Variants in OBSL1 observed in about 807,000 individuals in gnomAD.
The protein encoded by OBSL1 is obscurin-like protein 1.
A neutral mutation model predicts 172.0 loss-of-function variants in OBSL1; 160 were observed. That is an observed-to-expected ratio of 0.93 (90% CI 0.82 to 1.06). OBSL1 has a LOEUF of 1.06. OBSL1 is among the 50% of genes least tolerant of loss of function. The pLI, the probability that OBSL1 is intolerant of heterozygous loss-of-function variation, is 0.00. For synonymous variants in OBSL1, 1,200 were observed against 1,196.3 expected (o/e 1.00, Z -0.06); for missense variants, 2,681 against 2,715.4 (o/e 0.99, Z 0.28).
chr2:219,570,557 CCT>C lies in OBSL1; in HGVS notation c.674_675del (p.Gln225ArgfsTer28). 33 of 1,573,686 alleles carry C rather than the reference CCT, an allele frequency of 2.1e-5. No homozygotes were observed. The highest frequency in any genetic ancestry group is 2.8e-5 in the Non-Finnish European group (33 of 1,162,054). On this transcript the variant is annotated frameshift_variant, in exon 1 of 21. Coordinates refer to ENST00000404537, the MANE Select transcript of OBSL1 (RefSeq NM_015311.3). LOFTEE classifies it high-confidence loss of function. ...GGCGGGCTCTCGGGGGGCTGGTGCACCTGGAGCAGCGCCCCCGCCTGCGCGTG... is the reference window on the plus strand; with the variant it reads ...GGCGGGCTCTCGGGGGGCTGGTGCACGGAGCAGCGCCCCCGCCTGCGCGTG... ...HGHAQAGALL[Q>X]VHQPPESPPA...
Position 219,557,607 on chromosome 2 carries a change from G to C in OBSL1, c.3802C>G (p.Arg1268Gly). 2 of 1,539,844 alleles carry C rather than the reference G, an allele frequency of 1.3e-6. No individual in the cohort carries two copies. Among genetic ancestry groups the C allele is most frequent in the Non-Finnish European group, 1.8e-6 (2 of 1,139,758 alleles). Residue 1268 changes from arginine to glycine, a missense_variant, in exon 12 of 21, where the codon CGG becomes GGG. Arg to Gly is a moderately radical substitution (Grantham distance 125). Coordinates refer to ENST00000404537, the MANE Select transcript of OBSL1 (RefSeq NM_015311.3). ...FTVQVAEPPV[R>G]VVAPEAAQTR... ...TGGGCTGCCTCGGGAGCTACCACCC[G>C]CACAGGGGGCTCTGTGGAGTCAGAG...
downstream of OBSL1, chr2:219,550,714 G>A: frequency 1.5e-6 from 2 of 1,364,938 alleles, no homozygotes; most frequent in African/African-American, 1.4e-5. Flanking sequence ...ACATCACTCA[G>A]AGAGGCAAGG....
In OBSL1 at chr2:219,567,365, A is replaced by G. The variant is rs906015961; in HGVS notation, c.1745T>C (p.Val582Ala). The G allele has an allele frequency of 1.2e-6, 2 of 1,612,870 alleles. No homozygotes were observed. The highest frequency in any genetic ancestry group is 1.7e-5 in the Admixed American group (1 of 59,902). ...GAAGCGGTAGTCACCCTCGGAGGGC[A>G]CACAGTCGCCCGGCACCTCCACGGC... ...AGAVEVPGDC[V>A]PSEGDYRFRI... The change falls in exon 4 of 21, where the codon GTG becomes GCG. Residue 582 changes from valine to alanine, a missense_variant. By Grantham distance (64) the Val-to-Ala change is moderately conservative (BLOSUM62 0). This residue lies in a region of OBSL1 where 706 missense variants were observed against 695.8 expected (regional missense o/e 1.01). Coordinates refer to ENST00000404537, the MANE Select transcript of OBSL1 (RefSeq NM_015311.3).
In OBSL1 at chr2:219,556,157, G is replaced by C. The variant is rs778415137; in HGVS notation, c.4472C>G (p.Pro1491Arg). ...VRWVRGGQPL[P>R]HDSRLSMAQD... is the part of the protein sequence containing the mutation. ...GGCCATGGACAGGCGAGAGTCGTGG[G>C]GCAGGGGCTGCCCACCTCGCACCCA... Residue 1491 changes from proline to arginine, a missense_variant, in exon 14 of 21, where the codon CCC becomes CGC. Physicochemically the swap from Pro to Arg is moderately radical, Grantham distance 103. Transcript: ENST00000404537. 6.2e-7 allele frequency: 1 copy of C among 1,613,704 alleles called. No homozygotes were observed. The highest frequency in any genetic ancestry group is 1.1e-5 in the South Asian group (1 of 91,056).
Position 219,552,786 on chromosome 2 carries a change from C to T in OBSL1, c.5146+82G>A, listed in dbSNP as rs1035971383. The T allele has an allele frequency of 4.0e-6, 6 of 1,516,770 alleles. No individual in the cohort carries two copies. The African/African-American group carries it at 4.2e-5, about 11-fold the overall frequency. The allele number at this position is 1,516,770 out of a possible 1,614,324, so 94.0% of individuals were successfully genotyped here. A position where few individuals can be genotyped will look rare whatever the true frequency, so the allele number is the denominator to read the frequency against. ...CACGCCCCCTTTCTAGAAGCACGCG[C>T]GGTCATCAGGGTCCGGGGAAGACAG... On this transcript the variant is annotated intron_variant, in intron 17 of 20. Transcript: ENST00000404537.
In OBSL1 at chr2:219,567,763, A is replaced by C. The variant is rs1697021483; in HGVS notation, c.1489T>G (p.Phe497Val). 6.2e-7 allele frequency: 1 copy of C among 1,613,702 alleles called. No individual in the cohort carries two copies. The highest frequency in any genetic ancestry group is 8.5e-7 in the Non-Finnish European group (1 of 1,179,800). Reference sequence around the variant, plus strand: ...GTGGTACGGGAGTTGCCCAGGCTAAAGGTGACCTCGCCAGCATCCTCTCGG... The same window carrying C: ...GTGGTACGGGAGTTGCCCAGGCTAACGGTGACCTCGCCAGCATCCTCTCGG... ...VTREDAGEVT[F>V]SLGNSRTTTL... Residue 497 changes from phenylalanine (F) to valine (V), a missense_variant, in exon 3 of 21, where the codon TTT (phenylalanine) becomes GTT (valine). By Grantham distance (50) the Phe-to-Val change is conservative. Transcript: ENST00000404537.
intron 12 of OBSL1, 117 bp from the exon 13 acceptor site, chr2:219,556,840 C>T (rs1696046649): frequency 4.3e-6 from 5 of 1,154,012 alleles, no homozygotes; most frequent in Non-Finnish European, 6.1e-6. Context: ...TCTGTGAGGA[C>T]CTACTATGTA....
rs756874289 is a variant in OBSL1 at position 219,554,619 on chromosome 2, T to C, written c.4731A>G (p.Val1577=). The C allele has an allele frequency of 6.2e-7, 1 of 1,612,484 alleles. No individual in the cohort carries two copies. The highest frequency in any genetic ancestry group is 1.1e-5 in the South Asian group (1 of 90,878). ...GACACTTGGGTCCTGGATACAGCTG[T>C]ACTCCACCCCGGGCCCACTCCCCGG... ...GVTGEWARGG[V]QLYPGPKCHI... Residue 1577 remains valine, a synonymous_variant, in exon 15 of 21, where the codon GTA becomes GTG. Transcript: ENST00000404537.
rs886055667 is a variant in OBSL1 at position 219,570,676 on chromosome 2, T to C, written c.557A>G (p.Asp186Gly). 5.2e-5 allele frequency: 79 copies of C among 1,507,162 alleles called. No homozygotes were observed. The highest frequency in any genetic ancestry group is 6.0e-5 in the Non-Finnish European group (68 of 1,134,204). The allele number at this position is 1,507,162 out of a possible 1,614,324, so 93.4% of individuals were successfully genotyped here. A position where few individuals can be genotyped will look rare whatever the true frequency, so the allele number is the denominator to read the frequency against. Residue 186 changes from aspartate to glycine, a missense_variant, in exon 1 of 21, where the codon GAC becomes GGC. Asp to Gly is a moderately conservative substitution (Grantham distance 94). Around this residue, in one of 5 missense-constraint regions of OBSL1, gnomAD observed 706 missense variants for 695.8 expected, o/e 1.01. Coordinates refer to ENST00000404537, the MANE Select transcript of OBSL1 (RefSeq NM_015311.3). ...CAGTGCCAGGCTCGCGCCGGGGCCG[T>C]CCTCGGCGCGGCCCGGCTGGAGCGC... ...HFALQPGRAE[D>G]GPGASLALRI...
At chr2:219,562,270 C>T (rs1696534782) in intron 8 of OBSL1, 132 bp downstream of exon 8, 4 of 1,178,252 alleles carry the variant, frequency 3.4e-6, no homozygotes, top group Non-Finnish European at 4.8e-6. Flanking sequence ...CTCATCTCAG[C>T]AAGAACCCTG....
At position 219,556,671 on chromosome 2, in the gene OBSL1, C is replaced by T. The variant is rs1696033298; in HGVS notation, c.4119G>A (p.Glu1373=). Residue 1373 remains glutamate (E), a synonymous_variant, in exon 13 of 21, where the codon GAG becomes GAA. Coordinates refer to ENST00000404537, the MANE Select transcript of OBSL1 (RefSeq NM_015311.3). ...CACACCGGAACGTGGCATCATCGCC[C>T]TCGTGGACAGTGAGTGGTGTCAGCT... ...VSELTPLTVH[E]GDDATFRCEV... is the part of the protein sequence containing the mutation. 1.2e-6 allele frequency: 2 copies of T among 1,611,434 alleles called. No homozygotes were observed. The highest frequency in any genetic ancestry group is 1.7e-6 in the Non-Finnish European group (2 of 1,177,776).
intron 13 of OBSL1, 24 bp downstream of exon 13, chr2:219,556,430 A>G: frequency 3.1e-6 from 5 of 1,613,432 alleles, no homozygotes; most frequent in Non-Finnish European, 4.2e-6. Context: ...GACACAGAGT[A>G]TCTCATCCTC....
chr2:219,549,931 C>G, downstream of OBSL1: 1 of 1,559,258 alleles, frequency 6.4e-7, no homozygotes, highest in Non-Finnish European at 8.7e-7. Context: ...CACTCAGCCT[C>G]CTGGCTTTGG....
intron 12 of OBSL1, 45 bp downstream of exon 12, chr2:219,557,298 C>T: frequency 7.0e-7 from 1 of 1,434,400 alleles, no homozygotes; most frequent in East Asian, 2.5e-5. Context: ...GGCAGATGGT[C>T]CTTGGGGTGC....
chr2:219,567,004 G>C lies in OBSL1; in HGVS notation c.1960C>G (p.Leu654Val), dbSNP rs1289136835. The change falls in exon 5 of 21, where the codon CTC (leucine) becomes GTC (valine). Residue 654 changes from leucine to valine, a missense_variant. Physicochemically the swap from Leu to Val is conservative, Grantham distance 32. This residue lies in a region of OBSL1 where 1,765 missense variants were observed against 1,748.3 expected (regional missense o/e 1.01). Coordinates refer to ENST00000404537, the MANE Select transcript of OBSL1 (RefSeq NM_015311.3). Reference sequence around the variant, plus strand: ...TGGCCCTCCGGCTCGTTACTCTTGAGCTCTTCCCCATTAAGGAACCAGGTA... The same window carrying C: ...TGGCCCTCCGGCTCGTTACTCTTGACCTCTTCCCCATTAAGGAACCAGGTA... ...QGTWFLNGEE[L>V]KSNEPEGQVE... 1.9e-6 allele frequency: 3 copies of C among 1,613,646 alleles called. No homozygotes were observed. The highest frequency in any genetic ancestry group is 2.5e-6 in the Non-Finnish European group (3 of 1,179,904).
At chr2:219,563,275 G>A (rs891786229) in intron 7 of OBSL1, 80 bp downstream of exon 7, 11 of 1,396,358 alleles carry the variant, frequency 7.9e-6, no homozygotes, top group South Asian at 4.4e-5. Context: ...ACAGTGGCCT[G>A]GGAGTGAAGG....
At chr2:219,559,841 T>C (rs1472652761) in intron 8 of OBSL1, among the ~76,000 whole-genome samples, 5 of 152,164 alleles carry the variant, frequency 3.3e-5, no homozygotes, top group Admixed American at 3.3e-4. Context: ...TACAGAATCT[T>C]ACAGATACAA....
intron 8 of OBSL1, chr2:219,559,761 C>T: frequency 2.1e-6 from 1 of 484,080 alleles, no homozygotes; most frequent in Admixed American, 3.5e-5. Flanking sequence ...CCTCCCCCTT[C>T]ATCGGTCACG....
In OBSL1 at chr2:219,551,736, C is replaced by T; in HGVS notation, c.5476G>A (p.Ala1826Thr). The T allele has an allele frequency of 6.2e-7, 1 of 1,602,134 alleles. No homozygotes were observed. Among genetic ancestry groups the T allele is most frequent in the East Asian group, 2.2e-5 (1 of 44,640 alleles). Residue 1826 changes from alanine (A) to threonine (T), a missense_variant, in exon 20 of 21, where the codon GCG becomes ACG. Around this residue, in one of 5 missense-constraint regions of OBSL1, gnomAD observed 1,765 missense variants for 1,748.3 expected, o/e 1.01. Transcript: ENST00000404537. ...CGGGACACAGTCACCTCCAGCACCG[C>T]CCGGCGGCCCACCAGAACGGTCTTC... Reference protein sequence around the residue: ...REKTVLVGRRAVLEVTVSRSG... With the variant: ...REKTVLVGRRTVLEVTVSRSG...
Sources: gnomAD v4.1 joint callset for allele counts (sites outside exome capture counted in the v4.1 genomes callset) on GRCh38, gnomAD v4.1.1 for gene constraint, gnomAD v4.1.1 regional missense constraint, MANE v1.5 for transcripts, NCBI Gene and HGNC (gene_info 2026-07-23, HGNC 2026-07-21) for gene names.